The following TPO variants were observed in gnomAD, a reference collection of about 807,000 sequenced individuals.
TPO encodes the protein thyroid peroxidase, also known as thyroid microsomal antigen.
Under a neutral mutation model 96.9 loss-of-function variants are expected in TPO, and 78 were observed. The observed-to-expected ratio is 0.81, with a 90% confidence interval of 0.67 to 0.97. TPO has a LOEUF of 0.97. Among genes scored for constraint, TPO ranks in the 50% least tolerant of loss-of-function variants. The pLI is 0.00. For missense variants in TPO, 1,252 were observed against 1,274.8 expected (o/e 0.98, Z 0.27); for synonymous variants, 547 against 538.0 (o/e 1.02, Z -0.23).
At chr2:1,477,774 C>T in intron 8 of TPO, 170 bp downstream of exon 8, 1 of 985,466 alleles carries the variant, frequency 1.0e-6, no homozygotes, top group Non-Finnish European at 1.2e-6. Context: ...CGCAGTCCTG[C>T]TGGGCGCCCT....
At chr2:1,500,845 G>A (rs949527855) in intron 13 of TPO, among the ~76,000 whole-genome samples, 78 of 152,006 alleles carry the variant, frequency 5.1e-4, no homozygotes, top group African/African-American at 1.8e-3. Flanking sequence ...GGTGGTAGGC[G>A]CCTGTAATCC....
intron 5 of TPO, among the ~76,000 whole-genome samples, chr2:1,448,904 T>G (rs1012461441): frequency 3.9e-5 from 6 of 152,104 alleles, no homozygotes; most frequent in Non-Finnish European, 7.4e-5. Flanking sequence ...GGGACTGGGT[T>G]CCCCTGACGC....
intron 2 of TPO, among the ~76,000 whole-genome samples, chr2:1,422,390 C>CT (rs1157281363): frequency 2.3e-4 from 34 of 150,450 alleles, no homozygotes; most frequent in South Asian, 6.3e-4. Context: ...GCAGGCGCCG[C>CT]GCTGGGCCAT....
intron 1 of TPO, among the ~76,000 whole-genome samples, chr2:1,378,927 C>G (rs1052953397): frequency 6.6e-6 from 1 of 152,146 alleles, no homozygotes; most frequent in Non-Finnish European, 1.5e-5. Context: ...CTCACTGAAC[C>G]CTGGCGAGGT....
chr2:1,518,893 G>A (rs1674969585), intron 15 of TPO, among the ~76,000 whole-genome samples: 1 of 152,168 alleles, frequency 6.6e-6, no homozygotes, highest in South Asian at 2.1e-4. Flanking sequence ...AACCTTATTT[G>A]GAACTAAGGT....
intron 7 of TPO, among the ~76,000 whole-genome samples, chr2:1,459,644 G>A (rs933835760): frequency 1.3e-5 from 2 of 152,294 alleles, no homozygotes; most frequent in Non-Finnish European, 2.9e-5. Context: ...ACAAAATTCT[G>A]GGCATCTGCA....
intron 15 of TPO, among the ~76,000 whole-genome samples, chr2:1,521,757 A>G (rs4927625): frequency 0.51 from 77,226 of 151,812 alleles, 19,759 homozygotes; most frequent in South Asian, 0.56. Context: ...TGAGGCACTC[A>G]GGCCCCAGAG....
chr2:1,463,042 T>G (rs1668589585), intron 7 of TPO, among the ~76,000 whole-genome samples: 1 of 152,124 alleles, frequency 6.6e-6, no homozygotes, highest in Non-Finnish European at 1.5e-5. Flanking sequence ...TAGAGAAAAA[T>G]AACAATAAAA....
rs756570612 is a variant in TPO at position 1,477,118 on chromosome 2, C to G, written c.852C>G (p.Thr284=). The G allele has an allele frequency of 3.7e-6, 6 of 1,608,164 alleles. No individual in the cohort carries two copies. Among genetic ancestry groups the G allele is most frequent in the South Asian group, 3.3e-5 (3 of 90,694 alleles). ...AGGAGGCCCGGCCGGCCGCGGGCAC[C>G]GCCTGTCTGCCCTTCTACCGCTCTT... ...LPEEARPAAG[T]ACLPFYRSSA... Residue 284 remains threonine, a synonymous_variant, in exon 8 of 17, where the codon ACC becomes ACG. Coordinates refer to ENST00000329066, the MANE Select transcript of TPO (RefSeq NM_001206744.2).
intron 3 of TPO, 125 bp from the exon 4 acceptor site, chr2:1,433,313 A>T: frequency 8.1e-7 from 1 of 1,234,088 alleles, no homozygotes; most frequent in Admixed American, 2.1e-5. Flanking sequence ...CACACCCCGC[A>T]GTGCCTGTCA....
chr2:1,497,758 T>C (rs566891119), intron 13 of TPO, among the ~76,000 whole-genome samples: 2 of 152,246 alleles, frequency 1.3e-5, no homozygotes, highest in Non-Finnish European at 2.9e-5. Context: ...TCCTGTGAGC[T>C]ACGTGCTATG....
intron 7 of TPO, among the ~76,000 whole-genome samples, chr2:1,461,068 C>CT (rs1164977974): frequency 1.3e-5 from 2 of 152,160 alleles, no homozygotes; most frequent in African/African-American, 2.4e-5. Context: ...GGGCCACCAT[C>CT]TGGGTGGGAA....
At chr2:1,506,141 G>GT (rs1294762027) in intron 14 of TPO, among the ~76,000 whole-genome samples, 1 of 151,916 alleles carries the variant, frequency 6.6e-6, no homozygotes, top group East Asian at 1.9e-4. Flanking sequence ...GCGGTGTTTG[G>GT]TTTTTTGTCC....
chr2:1,535,398 A>G (rs566821669), intron 15 of TPO, among the ~76,000 whole-genome samples: 26 of 63,026 alleles, frequency 4.1e-4, no homozygotes, highest in African/African-American at 1.5e-3. Flanking sequence ...CACTGTGAGC[A>G]ACCTCCCCAA....
At chr2:1,404,218 A>G (rs1337356658) in intron 1 of TPO, among the ~76,000 whole-genome samples, 2 of 152,146 alleles carry the variant, frequency 1.3e-5, no homozygotes, top group Non-Finnish European at 2.9e-5. Context: ...TTCTCCTTAG[A>G]TTCCTATCAC....
intron 10 of TPO, among the ~76,000 whole-genome samples, chr2:1,493,355 A>G (rs985083728): frequency 6.6e-6 from 1 of 152,132 alleles, no homozygotes; most frequent in Non-Finnish European, 1.5e-5. Context: ...CTTAGATGTC[A>G]CGGACTCAGC....
At chr2:1,532,655 CA>C in intron 15 of TPO, among the ~76,000 whole-genome samples, 1 of 18,102 alleles carries the variant, frequency 5.5e-5, no homozygotes, top group Non-Finnish European at 9.1e-5. Flanking sequence ...CAAACCCCCC[CA>C]ACTGTGTACA....
intron 15 of TPO, among the ~76,000 whole-genome samples, chr2:1,539,576 G>A (rs1231510277): frequency 2.0e-5 from 3 of 152,170 alleles, no homozygotes; most frequent in Admixed American, 6.5e-5. Flanking sequence ...AGGGTGGGGC[G>A]GTGACGGTGC....
At chr2:1,435,771 T>A (rs976067150) in intron 4 of TPO, among the ~76,000 whole-genome samples, 4 of 152,212 alleles carry the variant, frequency 2.6e-5, no homozygotes, top group African/African-American at 9.6e-5. Context: ...CGAAAGGTTT[T>A]ATAGATAAGC....
Sources: gnomAD v4.1 joint callset for allele counts (sites outside exome capture counted in the v4.1 genomes callset) on GRCh38, gnomAD v4.1.1 for gene constraint, MANE v1.5 for transcripts, NCBI Gene and HGNC (gene_info 2026-07-23, HGNC 2026-07-21) for gene names.